MYBPC1: variants seen among roughly 807,000 people sequenced by gnomAD.
MYBPC1 encodes myosin-binding protein C, slow-type.
MYBPC1 carries 52 observed loss-of-function variants against 147.1 expected under a neutral mutation model. That is an observed-to-expected ratio of 0.35 (90% CI 0.28 to 0.45). The LOEUF is 0.45. Ranked by LOEUF, MYBPC1 falls within the 20% of genes least tolerant of loss-of-function variation. MYBPC1 has a pLI of 1.00. For synonymous variants in MYBPC1, 477 were observed against 475.9 expected (o/e 1.00, Z -0.03); for missense variants, 1,228 against 1,440.3 (o/e 0.85, Z 2.39).
intron 1 of MYBPC1, among the ~76,000 whole-genome samples, chr12:101,600,123 C>T (rs999618812): frequency 7.2e-5 from 11 of 152,170 alleles, no homozygotes; most frequent in African/African-American, 2.7e-4. Context: ...CCCTCTTGTT[C>T]CCAGGCCTTT....
chr12:101,638,361 T>C (rs917511219), intron 10 of MYBPC1, among the ~76,000 whole-genome samples: 2 of 152,212 alleles, frequency 1.3e-5, no homozygotes, highest in Admixed American at 1.3e-4. Flanking sequence ...GGTAAAAACA[T>C]GGACTGGAGT....
At chr12:101,656,364 TAA>T (rs1895539499) in intron 18 of MYBPC1, among the ~76,000 whole-genome samples, 1 of 152,132 alleles carries the variant, frequency 6.6e-6, no homozygotes, top group Admixed American at 6.5e-5. Context: ...ATATTTACTT[TAA>T]ATGTCAATGG....
At chr12:101,595,136 A>G (rs1876683166) in intron 1 of MYBPC1, 41 bp downstream of exon 1, 3 of 1,546,400 alleles carry the variant, frequency 1.9e-6, no homozygotes, top group East Asian at 4.5e-5. Flanking sequence ...ACTCCTGAAT[A>G]AAGTGTTTAT....
chr12:101,615,319 G>A (rs1885600903), intron 2 of MYBPC1, among the ~76,000 whole-genome samples: 1 of 152,136 alleles, frequency 6.6e-6, no homozygotes, highest in African/African-American at 2.4e-5. Context: ...CCAAAATCAT[G>A]TGCATTTTCC....
chr12:101,678,050 T>C (rs370302106), intron 27 of MYBPC1, 52 bp from the exon 28 acceptor site: 5 of 1,582,680 alleles, frequency 3.2e-6, no homozygotes, highest in Non-Finnish European at 4.3e-6. Context: ...CAATAATATA[T>C]TCTCAGGCCA....
At chr12:101,629,140 A>G (rs921216098) in intron 5 of MYBPC1, 1 of 401,794 alleles carries the variant, frequency 2.5e-6, no homozygotes, top group Admixed American at 3.6e-5. Context: ...AAGATGGGGA[A>G]GCAAAGGAAT....
chr12:101,659,570 T>G, intron 18 of MYBPC1, 102 bp from the exon 19 acceptor site: 1 of 1,210,944 alleles, frequency 8.3e-7, no homozygotes, highest in Non-Finnish European at 1.2e-6. Flanking sequence ...ATCTATACAC[T>G]ATACACTCTA....
chr12:101,693,444 T>A, the MYBPC1 span, among the ~76,000 whole-genome samples: 2 of 152,286 alleles, frequency 1.3e-5, no homozygotes, highest in Admixed American at 6.5e-5. Flanking sequence ...TTTTCAATAA[T>A]AATAGAAATG....
At chr12:101,615,555 A>ATTCAGTTTG (rs1885672056) in intron 2 of MYBPC1, among the ~76,000 whole-genome samples, 1 of 151,724 alleles carries the variant, frequency 6.6e-6, no homozygotes, top group South Asian at 2.1e-4. Flanking sequence ...ATCTCCCTGT[A>ATTCAGTTTG]TTCAGTTTGT....
At chr12:101,661,292 T>C (rs1896510548) in intron 20 of MYBPC1, 30 bp downstream of exon 20, 2 of 1,409,568 alleles carry the variant, frequency 1.4e-6, no homozygotes, top group Non-Finnish European at 1.0e-6. Flanking sequence ...TCTGTGTAAC[T>C]GCCAGTACAG....
chr12:101,674,862 C>CAAAAAAAAAA lies in MYBPC1; in HGVS notation c.2810-417_2810-408dup, dbSNP rs62824364. Among the ~76,000 whole-genome samples the CAAAAAAAAAA allele has an allele frequency of 4.8e-3, 289 of 59,832 alleles. 14 individuals are homozygous for CAAAAAAAAAA. Among genetic ancestry groups the CAAAAAAAAAA allele is most frequent in the African/African-American group, 0.022 (271 of 12,132 alleles). 39.3% of individuals were successfully genotyped at this position (59,832 alleles called of 152,430 possible). A position where few individuals can be genotyped will look rare whatever the true frequency, so the allele number is the denominator to read the frequency against. ...GGGTGACAGACCATGACTCTGTCTC[C>CAAAAAAAAAA]AAAAAAAAAAAAAAAAAAAAAAGGA... On this transcript the variant is annotated intron_variant, in intron 25 of 31. Coordinates refer to ENST00000361466, the MANE Select transcript of MYBPC1 (RefSeq NM_002465.4).
intron 23 of MYBPC1, among the ~76,000 whole-genome samples, chr12:101,669,499 C>CA (rs1207187076): frequency 6.6e-6 from 1 of 152,188 alleles, no homozygotes; most frequent in Non-Finnish European, 1.5e-5. Context: ...TGTCGAACTC[C>CA]AACAGAGTCA....
intron 30 of MYBPC1, among the ~76,000 whole-genome samples, chr12:101,682,969 C>T (rs371672977): frequency 3.3e-5 from 5 of 152,214 alleles, no homozygotes; most frequent in African/African-American, 1.2e-4. Context: ...ACTTGGGTAT[C>T]AATATTTCTT....
At chr12:101,598,822 T>C (rs902228807) in intron 1 of MYBPC1, among the ~76,000 whole-genome samples, 5 of 152,132 alleles carry the variant, frequency 3.3e-5, no homozygotes, top group African/African-American at 1.2e-4. Context: ...GCTCAAGAGA[T>C]CCACTTGTCT....
intron 18 of MYBPC1, among the ~76,000 whole-genome samples, chr12:101,653,510 C>A (rs182145366): frequency 3.4e-4 from 52 of 151,956 alleles, no homozygotes; most frequent in Non-Finnish European, 5.6e-4. Context: ...CATTTTTATT[C>A]TAATGAAATT....
At chr12:101,668,344 C>T (rs903700431) in intron 23 of MYBPC1, among the ~76,000 whole-genome samples, 11 of 152,116 alleles carry the variant, frequency 7.2e-5, no homozygotes, top group Non-Finnish European at 1.5e-5. Flanking sequence ...GTGAGTAAAA[C>T]TGTTGATACC....
In MYBPC1 at chr12:101,653,260, G is replaced by T; in HGVS notation, c.1767+12G>T. ...GCCGGGGAGATAAGGTTTGTTTTAT[G>T]CTTGCACACACTCACATGCACACAC... On this transcript the variant is annotated intron_variant, in intron 18 of 31. Coordinates refer to ENST00000361466, the MANE Select transcript of MYBPC1 (RefSeq NM_002465.4). 1 of 1,613,184 alleles carries T rather than the reference G, an allele frequency of 6.2e-7. No homozygotes were observed. Among genetic ancestry groups the T allele is most frequent in the East Asian group, 2.2e-5 (1 of 44,880 alleles).
intron 10 of MYBPC1, 110 bp from the exon 11 acceptor site, chr12:101,642,309 T>C (rs1049423662): frequency 2.5e-6 from 3 of 1,198,238 alleles, no homozygotes; most frequent in African/African-American, 3.0e-5. Context: ...ACTCAGGCTT[T>C]AAACAGAGCT....
chr12:101,685,077 G>T (rs566630214), intron 31 of MYBPC1, among the ~76,000 whole-genome samples: 2 of 152,150 alleles, frequency 1.3e-5, no homozygotes, highest in African/African-American at 4.8e-5. Flanking sequence ...TCCAATTTTT[G>T]TGCTTTTGAC....
Sources: gnomAD v4.1 joint callset for allele counts (sites outside exome capture counted in the v4.1 genomes callset) on GRCh38, gnomAD v4.1.1 for gene constraint, MANE v1.5 for transcripts, NCBI Gene and HGNC (gene_info 2026-07-23, HGNC 2026-07-21) for gene names.